Variants in MGAT4A observed in about 807,000 individuals in gnomAD.
The protein encoded by MGAT4A is N-acetylglucosaminyltransferase IVa.
A neutral mutation model predicts 74.1 loss-of-function variants in MGAT4A; 33 were observed. That is an observed-to-expected ratio of 0.45 (90% confidence interval 0.34 to 0.60). The LOEUF is 0.60. Among genes scored for constraint, MGAT4A ranks in the 20% least tolerant of loss-of-function variants. The pLI, the probability that MGAT4A is intolerant of heterozygous loss-of-function variation, is 0.02. For missense variants in MGAT4A, 479 were observed against 628.3 expected (o/e 0.76, Z 2.54); for synonymous variants, 198 against 210.4 (o/e 0.94, Z 0.51).
chr2:98,673,641 G>C (rs778497416), intron 4 of MGAT4A, among the ~76,000 whole-genome samples: 1 of 151,964 alleles, frequency 6.6e-6, no homozygotes, highest in African/African-American at 2.4e-5. Flanking sequence ...TAAACAAATG[G>C]GATGGAATAC....
chr2:98,678,249 A>AATATATATAT (rs1553538281), intron 3 of MGAT4A, 55 bp downstream of exon 3: 75 of 263,792 alleles, frequency 2.8e-4, no homozygotes, highest in African/African-American at 8.9e-4. Flanking sequence ...AAAAAAAAAA[A>AATATATATAT]ATATATATAT....
intron 14 of MGAT4A, among the ~76,000 whole-genome samples, chr2:98,631,253 C>A (rs550116242): frequency 1.3e-5 from 2 of 152,238 alleles, no homozygotes; most frequent in Non-Finnish European, 2.9e-5. Flanking sequence ...AATGCCTTCA[C>A]GCGTAAGTTG....
At chr2:98,712,959 T>C (rs886069351) in intron 2 of MGAT4A, among the ~76,000 whole-genome samples, 1 of 151,716 alleles carries the variant, frequency 6.6e-6, no homozygotes, top group Non-Finnish European at 1.5e-5. Context: ...CTCAGGAGTT[T>C]GAGAGCAGCC....
intron 2 of MGAT4A, among the ~76,000 whole-genome samples, chr2:98,681,277 G>T (rs1702056467): frequency 6.6e-6 from 1 of 152,064 alleles, no homozygotes; most frequent in Non-Finnish European, 1.5e-5. Flanking sequence ...CACCGCACCT[G>T]GCCCAATTCA....
chr2:98,682,210 G>A (rs1324912268), intron 2 of MGAT4A, among the ~76,000 whole-genome samples: 1 of 151,984 alleles, frequency 6.6e-6, no homozygotes, highest in Non-Finnish European at 1.5e-5. Context: ...ATCACCTGAG[G>A]TCGGGAATTC....
At chr2:98,627,040 T>C (rs888309496) in intron 14 of MGAT4A, among the ~76,000 whole-genome samples, 2 of 152,204 alleles carry the variant, frequency 1.3e-5, no homozygotes, top group Admixed American at 1.3e-4. Context: ...TCATTTCCAA[T>C]TGAGATTTAG....
chr2:98,709,412 A>G (rs903701706), intron 2 of MGAT4A, among the ~76,000 whole-genome samples: 1 of 152,162 alleles, frequency 6.6e-6, no homozygotes, highest in African/African-American at 2.4e-5. Flanking sequence ...TGGACAAAGG[A>G]TAGATTTTGT....
intron 2 of MGAT4A, among the ~76,000 whole-genome samples, chr2:98,695,878 CTTTTTT>C (rs554678618): frequency 2.3e-5 from 3 of 130,434 alleles, no homozygotes; most frequent in Non-Finnish European, 4.9e-5. Flanking sequence ...CACAGAACTT[CTTTTTT>C]TTTTTTTTTT....
chr2:98,632,059 G>A (rs991562249), intron 14 of MGAT4A, among the ~76,000 whole-genome samples: 32 of 151,920 alleles, frequency 2.1e-4, no homozygotes, highest in African/African-American at 5.1e-4. Context: ...GCAGTGAGCC[G>A]GGATTGCACT....
chr2:98,658,177 T>C (rs774196169), intron 6 of MGAT4A, 41 bp downstream of exon 6: 76 of 1,346,876 alleles, frequency 5.6e-5, no homozygotes, highest in Non-Finnish European at 8.0e-5. Flanking sequence ...GAGATAATAG[T>C]AACCAAAATA....
intron 5 of MGAT4A, among the ~76,000 whole-genome samples, chr2:98,659,121 T>C (rs538240084): frequency 1.4e-4 from 21 of 152,172 alleles, no homozygotes; most frequent in East Asian, 1.9e-4. Flanking sequence ...ACAGTAAGAA[T>C]TGGCTTGTTC....
Position 98,731,105 on chromosome 2 carries a change from C to CGGA in MGAT4A, c.-294_-293insTCC, listed in dbSNP as rs1702851507. 1.4e-5 allele frequency: 1 copy of CGGA among 72,650 alleles called. No homozygotes were observed. The highest frequency in any genetic ancestry group is 1.2e-4 in the African/African-American group (1 of 8,604). 4.5% of individuals were successfully genotyped at this position (72,650 alleles called of 1,614,324 possible). ...CCGGCGGAGCTGCTGTAGCCGCCGC[C>CGGA]GCCGCTGCCGCCGCCGCTGCGGGCC... On this transcript the variant is annotated 5_prime_UTR_variant, in exon 1 of 16. Coordinates refer to ENST00000393487, the MANE Select transcript of MGAT4A (RefSeq NM_012214.3). This position sits in a 1 kb window ranked among gnomAD's most constrained non-coding sequence, Gnocchi z 4.8.
At chr2:98,667,265 A>T (rs1232918719) in intron 4 of MGAT4A, among the ~76,000 whole-genome samples, 1 of 152,150 alleles carries the variant, frequency 6.6e-6, no homozygotes, top group Non-Finnish European at 1.5e-5. Flanking sequence ...AAAATAGACT[A>T]ATACAGTAAA....
In MGAT4A at chr2:98,678,567, G is replaced by C. The variant is rs541509426; in HGVS notation, c.95-96C>G. 5.2e-6 allele frequency: 4 copies of C among 762,304 alleles called. No homozygotes were observed. The South Asian group carries it at 1.5e-4, about 29-fold the overall frequency. 47.2% of individuals were successfully genotyped at this position (762,304 alleles called of 1,614,324 possible). Reference sequence around the variant, plus strand: ...GTAAAATTACAAAGTTTAAAGTTGAGTTTTTCAGAAGAAAATATTCATTGA... The same window carrying C: ...GTAAAATTACAAAGTTTAAAGTTGACTTTTTCAGAAGAAAATATTCATTGA... On this transcript the variant is annotated intron_variant, in intron 2 of 15. Transcript: ENST00000393487.
chr2:98,730,595 G>T (rs1303608095), intron 1 of MGAT4A, among the ~76,000 whole-genome samples: 1 of 103,310 alleles, frequency 9.7e-6, no homozygotes, highest in African/African-American at 3.8e-5. Flanking sequence ...CGCAGCCCCC[G>T]GGTCCCACAG....
intron 4 of MGAT4A, among the ~76,000 whole-genome samples, chr2:98,668,231 C>G (rs1701864768): frequency 6.6e-6 from 1 of 152,172 alleles, no homozygotes; most frequent in Admixed American, 6.5e-5. Context: ...ATCACAGGCC[C>G]AGAGATTTAG....
rs562799374 is a variant in MGAT4A, at chr2:98,623,519, G to T, written c.*2047C>A. On this transcript the variant is annotated 3_prime_UTR_variant, in exon 16 of 16. Transcript: ENST00000393487. Reference sequence around the variant, plus strand: ...TGGTGCCAAAATTTTATGACAAAAGGTTATTCCTGTTTTTGAATGAAATTT... The same window carrying T: ...TGGTGCCAAAATTTTATGACAAAAGTTTATTCCTGTTTTTGAATGAAATTT... 3.0e-6 allele frequency: 3 copies of T among 985,354 alleles called. No homozygotes were observed. In the African/African-American group the frequency reaches 5.2e-5, roughly 17 times the overall value. The allele number at this position is 985,354 out of a possible 1,614,324, so 61.0% of individuals were successfully genotyped here.
At position 98,679,360 on chromosome 2, in the gene MGAT4A, C is replaced by T. The variant is rs376216764; in HGVS notation, c.95-889G>A. 1.4e-3 allele frequency among the ~76,000 whole-genome samples: 196 copies of T among 142,670 alleles called. 1 individual carries two copies. The highest frequency in any genetic ancestry group is 4.8e-3 in the African/African-American group (186 of 38,528). The allele number at this position is 142,670 out of a possible 152,430, so 93.6% of individuals were successfully genotyped here. ...GGCGGAGCTTGCAGTGAGCTGAGAT[C>T]GCGCCACTGCACTCCAGCCTGGGCG... On this transcript the variant is annotated intron_variant, in intron 2 of 15. Transcript: ENST00000393487.
In MGAT4A at chr2:98,675,185, A is replaced by G. The variant is rs773879487; in HGVS notation, c.263-10T>C. ...AGCTTTAGGGTATTATCTGAAACAC[A>G]GAAGTATAATTAATATACAAGAATT... is the stretch of plus-strand genomic sequence containing the variant. On this transcript the variant is annotated splice_polypyrimidine_tract_variant and intron_variant, in intron 3 of 15. Transcript: ENST00000393487. The G allele has an allele frequency of 6.4e-6, 10 of 1,564,058 alleles. No homozygotes were observed. The South Asian group carries it at 1.1e-4, about 16-fold the overall frequency.
Sources: allele counts gnomAD v4.1 joint callset (sites outside exome capture counted in the v4.1 genomes callset), GRCh38; gene constraint gnomAD v4.1.1; non-coding constraint Gnocchi (gnomAD v3.1); transcripts MANE v1.5; gene names NCBI Gene and HGNC (gene_info 2026-07-23, HGNC 2026-07-21).